NFIA: variants seen among roughly 807,000 people sequenced by gnomAD.
The protein encoded by NFIA is nuclear factor 1 A-type.
A neutral mutation model predicts 62.8 loss-of-function variants in NFIA; 8 were observed. That is an observed-to-expected ratio of 0.13 (90% CI 0.07 to 0.23). The LOEUF (loss-of-function observed/expected upper bound fraction) is 0.23, where lower values mean the gene tolerates loss of function less well. Among genes scored for constraint, NFIA ranks in the 10% least tolerant of loss-of-function variants. The pLI, the probability that NFIA is intolerant of heterozygous loss-of-function variation, is 1.00. For missense variants in NFIA, 410 were observed against 642.1 expected, an observed-to-expected ratio of 0.64 and a Z score of 3.91; for synonymous variants, 235 against 238.1, an observed-to-expected ratio of 0.99 and a Z score of 0.12.
At chr1:61,267,368 G>C (rs1351825183) in intron 2 of NFIA, among the ~76,000 whole-genome samples, 1 of 152,074 alleles carries the variant, frequency 6.6e-6, no homozygotes, top group Non-Finnish European at 1.5e-5. Flanking sequence ...AAATTAGCTG[G>C]GCGTGGTGGC....
At chr1:61,204,814 G>A (rs1192092134) in intron 2 of NFIA, among the ~76,000 whole-genome samples, 2 of 152,136 alleles carry the variant, frequency 1.3e-5, no homozygotes, top group African/African-American at 4.8e-5. Flanking sequence ...TTAGTTTATT[G>A]TGTGAGCATT....
intron 7 of NFIA, among the ~76,000 whole-genome samples, chr1:61,402,473 A>C (rs1665616372): frequency 6.6e-6 from 1 of 152,190 alleles, no homozygotes; most frequent in South Asian, 2.1e-4. Context: ...CATTCACTGC[A>C]CATTCAACAA....
intron 10 of NFIA, among the ~76,000 whole-genome samples, chr1:61,448,473 G>A (rs562024541): frequency 1.1e-4 from 17 of 152,284 alleles, no homozygotes; most frequent in Non-Finnish European, 1.3e-4. Flanking sequence ...CCCAGAAACC[G>A]TTCACAGTGA....
intron 2 of NFIA, among the ~76,000 whole-genome samples, chr1:61,120,905 A>G (rs1470945450): frequency 6.6e-6 from 1 of 152,210 alleles, no homozygotes; most frequent in African/African-American, 2.4e-5. Context: ...ACACGGCCAT[A>G]CTTTGCATTT....
chr1:61,077,517 C>T, upstream of NFIA: 1 of 984,478 alleles, frequency 1.0e-6, no homozygotes, highest in Admixed American at 3.7e-5. Flanking sequence ...GGGTTTTCAA[C>T]GGTTCCAAGT....
At chr1:61,128,798 A>G (rs1164719308) in intron 2 of NFIA, among the ~76,000 whole-genome samples, 1 of 151,656 alleles carries the variant, frequency 6.6e-6, no homozygotes, top group East Asian at 1.9e-4. Context: ...CCTTAGGGAG[A>G]TCTGTTGATA....
At position 61,383,234 on chromosome 1, in the gene NFIA, C is replaced by T. The variant is rs1164364803; in HGVS notation, c.947-3C>T. On this transcript the variant is annotated splice_region_variant and splice_polypyrimidine_tract_variant and intron_variant, in intron 6 of 10. Coordinates refer to ENST00000403491, the MANE Select transcript of NFIA (RefSeq NM_001134673.4). ...GTACTTACCAGTTGATCCTTCTTGC[C>T]AGGAATGCCATCTCCAACCACACTG... The T allele has an allele frequency of 1.9e-6, 3 of 1,613,782 alleles. No homozygotes were observed. The highest frequency in any genetic ancestry group is 2.5e-6 in the Non-Finnish European group (3 of 1,179,828).
chr1:61,210,827 C>T (rs1653204415), intron 2 of NFIA, among the ~76,000 whole-genome samples: 1 of 152,190 alleles, frequency 6.6e-6, no homozygotes, highest in African/African-American at 2.4e-5. Context: ...TTGGCTCCAT[C>T]TACAGGCAAC....
chr1:61,084,230 T>C (rs1332404358), intron 1 of NFIA, among the ~76,000 whole-genome samples: 1 of 152,172 alleles, frequency 6.6e-6, no homozygotes, highest in Non-Finnish European at 1.5e-5. Context: ...GTATCAGTAG[T>C]TTTCGCTCTC....
At chr1:61,149,499 T>G (rs1648251696) in intron 2 of NFIA, among the ~76,000 whole-genome samples, 1 of 152,198 alleles carries the variant, frequency 6.6e-6, no homozygotes, top group Admixed American at 6.5e-5. Context: ...TGTATGCCTT[T>G]CATGTTTGCA....
intron 3 of NFIA, among the ~76,000 whole-genome samples, chr1:61,325,578 G>A (rs2100377520): frequency 6.6e-6 from 1 of 152,252 alleles, no homozygotes; most frequent in South Asian, 2.1e-4. Context: ...ACATAATCTA[G>A]CCAAGGCTGT....
chr1:61,449,186 C>T (rs1002880558), intron 10 of NFIA, among the ~76,000 whole-genome samples: 1 of 152,172 alleles, frequency 6.6e-6, no homozygotes, highest in African/African-American at 2.4e-5. Flanking sequence ...CCTGGAGTGG[C>T]TTGTGGAGAC....
In NFIA at chr1:61,088,894, G is replaced by A. The variant is rs1646267281; in HGVS notation, c.559+214G>A. 5.3e-5 allele frequency among the ~76,000 whole-genome samples: 8 copies of A among 152,200 alleles called. No individual in the cohort carries two copies. The South Asian group carries it at 1.7e-3, about 31-fold the overall frequency. On this transcript the variant is annotated intron_variant, in intron 2 of 10. Coordinates refer to ENST00000403491, the MANE Select transcript of NFIA (RefSeq NM_001134673.4). This position sits in a 1 kb window ranked among gnomAD's most constrained non-coding sequence, Gnocchi z 4.5. The stretch of plus-strand genomic sequence containing the variant: ...TCACTAAGTTCAGCTCTTTTGGTAA[G>A]TAGTGTTTTCAGAGGCGTTGGTAAT...
intron 2 of NFIA, among the ~76,000 whole-genome samples, chr1:61,113,615 AAG>A (rs1491290119): frequency 3.2e-4 from 48 of 149,424 alleles, no homozygotes; most frequent in African/African-American, 1.0e-3. Flanking sequence ...AAAAAAAAAA[AAG>A]AGAATATGTT....
chr1:61,403,385 A>T (rs1665663717), intron 7 of NFIA, among the ~76,000 whole-genome samples: 1 of 152,206 alleles, frequency 6.6e-6, no homozygotes, highest in Non-Finnish European at 1.5e-5. Flanking sequence ...CAGGGTTCAA[A>T]TGTAAGGGAG....
intron 9 of NFIA, among the ~76,000 whole-genome samples, chr1:61,416,045 G>A (rs939102956): frequency 1.3e-5 from 2 of 152,062 alleles, no homozygotes; most frequent in African/African-American, 4.8e-5. Flanking sequence ...ATTCAGCAAA[G>A]GAGAGTGCTA....
intron 7 of NFIA, among the ~76,000 whole-genome samples, chr1:61,399,421 C>G (rs1293933412): frequency 6.6e-6 from 1 of 152,200 alleles, no homozygotes; most frequent in Non-Finnish European, 1.5e-5. Flanking sequence ...GATTTAAAGG[C>G]TGATGCCAGA....
Position 61,088,166 on chromosome 1 carries a change from C to T in NFIA, c.45C>T (p.Phe15=), listed in dbSNP as rs1374975576. Residue 15 remains phenylalanine, a synonymous_variant, in exon 2 of 11, where the codon TTC becomes TTT. Transcript: ENST00000403491. This position sits in a 1 kb window ranked among gnomAD's most constrained non-coding sequence, Gnocchi z 4.5. Reference sequence around the variant, plus strand: ...TTTCCTAGGATGAATTTCATCCTTTCATCGAAGCACTTCTGCCCCACGTCC... The same window carrying T: ...TTTCCTAGGATGAATTTCATCCTTTTATCGAAGCACTTCTGCCCCACGTCC... The part of the protein sequence containing the change: ...LCLTQDEFHP[F]IEALLPHVRA... 5.0e-6 allele frequency: 8 copies of T among 1,601,116 alleles called. No individual in the cohort carries two copies.
rs150151716 is a variant in NFIA, at chr1:61,275,979, A to T, written c.560-1541A>T. Reference sequence around the variant, plus strand: ...TCTAGGTTTTGTATTTTTGTAGTTTATTCTGAAGGATTTCTTTAAAGGTTT... The same window carrying T: ...TCTAGGTTTTGTATTTTTGTAGTTTTTTCTGAAGGATTTCTTTAAAGGTTT... On this transcript the variant is annotated intron_variant, in intron 2 of 10. Coordinates refer to ENST00000403491, the MANE Select transcript of NFIA (RefSeq NM_001134673.4). 4.9e-3 allele frequency among the ~76,000 whole-genome samples: 746 copies of T among 152,084 alleles called. 5 individuals carry two copies. The highest frequency in any genetic ancestry group is 7.3e-3 in the Non-Finnish European group (496 of 67,944).
Sources: allele counts gnomAD v4.1 joint callset (sites outside exome capture counted in the v4.1 genomes callset), GRCh38; gene constraint gnomAD v4.1.1; non-coding constraint Gnocchi (gnomAD v3.1); transcripts MANE v1.5; gene names NCBI Gene and HGNC (gene_info 2026-07-23, HGNC 2026-07-21).